Variants in VPS35L observed in about 807,000 individuals in gnomAD.
VPS35L encodes the protein VPS35 endosomal protein sorting factor like, also known as VPS35 endosomal protein-sorting factor-like.
In VPS35L, 83 loss-of-function variants were observed where a neutral mutation model predicts 133.0. The ratio of observed to expected loss-of-function variants is 0.62; its 90% CI spans 0.52 to 0.75. The LOEUF (loss-of-function observed/expected upper bound fraction) is 0.75. VPS35L is among the 30% of genes least tolerant of loss of function. The pLI is 0.00. For synonymous variants in VPS35L, 423 were observed against 449.9 expected, an observed-to-expected ratio of 0.94 and a Z score of 0.76; for missense variants, 1,083 against 1,206.8, an observed-to-expected ratio of 0.90 and a Z score of 1.52.
intron 7 of VPS35L, among the ~76,000 whole-genome samples, chr16:19,587,634 CAAA>C (rs781342533): frequency 1.5e-5 from 1 of 67,884 alleles, no homozygotes; most frequent in Non-Finnish European, 3.0e-5. Context: ...AACTCCGTCT[CAAA>C]AAAAAAAAAA....
chr16:19,681,598 C>CT (rs1253561808), intron 27 of VPS35L, among the ~76,000 whole-genome samples: 2 of 152,196 alleles, frequency 1.3e-5, no homozygotes, highest in African/African-American at 2.4e-5. Context: ...AAGCTGCTTA[C>CT]TTTTTTACAC....
In VPS35L at chr16:19,671,829, G is replaced by A. The variant is rs111273280; in HGVS notation, c.2361+2530G>A. Among the ~76,000 whole-genome samples, 553 of 152,244 alleles carry A rather than the reference G, an allele frequency of 3.6e-3. 5 individuals carry two copies. The highest frequency in any genetic ancestry group is 0.012 in the African/African-American group (519 of 41,538). On this transcript the variant is annotated intron_variant, in intron 27 of 30. Transcript: ENST00000417362. ...AGTGTATAGGCTTCACCTGGCTGCC[G>A]CAGGGTGCATGGCACAGAACAGATT... is the stretch of plus-strand genomic sequence containing the variant.
At chr16:19,615,656 A>G in intron 12 of VPS35L, among the ~76,000 whole-genome samples, 1 of 150,596 alleles carries the variant, frequency 6.6e-6, no homozygotes, top group Admixed American at 6.6e-5. Context: ...TCTCAAAACA[A>G]AACAAAAAAC....
At chr16:19,662,083 G>C (rs962891060) in intron 26 of VPS35L, among the ~76,000 whole-genome samples, 7 of 152,202 alleles carry the variant, frequency 4.6e-5, no homozygotes, top group African/African-American at 7.2e-5. Context: ...CACGCCTGTA[G>C]TCCCAGCCAC....
intron 25 of VPS35L, among the ~76,000 whole-genome samples, chr16:19,651,765 G>A (rs781652271): frequency 3.3e-5 from 5 of 152,122 alleles, no homozygotes; most frequent in Non-Finnish European, 7.4e-5. Context: ...GTGAGGATTT[G>A]TTTTTCCTGC....
At chr16:19,592,842 C>G (rs765184813) in intron 8 of VPS35L, among the ~76,000 whole-genome samples, 1 of 152,000 alleles carries the variant, frequency 6.6e-6, no homozygotes, top group Non-Finnish European at 1.5e-5. Flanking sequence ...CGCACCACCA[C>G]GCCTAGCTAG....
chr16:19,557,629 G>C (rs72767548), intron 1 of VPS35L, among the ~76,000 whole-genome samples: 13 of 151,804 alleles, frequency 8.6e-5, no homozygotes, highest in African/African-American at 3.1e-4. Flanking sequence ...GTGATCCGCC[G>C]ACCTCGGGTT....
At chr16:19,622,888 C>T (rs1386578646) in intron 14 of VPS35L, among the ~76,000 whole-genome samples, 1 of 152,134 alleles carries the variant, frequency 6.6e-6, no homozygotes, top group Middle Eastern at 3.2e-3. Context: ...CTAGTCTGGC[C>T]TCCACATATA....
intron 19 of VPS35L, among the ~76,000 whole-genome samples, chr16:19,635,582 T>C (rs1191944720): frequency 1.3e-5 from 2 of 152,182 alleles, no homozygotes; most frequent in East Asian, 1.9e-4. Flanking sequence ...AAATGGGTGA[T>C]AGATGAGATC....
At chr16:19,569,030 A>G (rs1290540389) in intron 2 of VPS35L, among the ~76,000 whole-genome samples, 1 of 152,120 alleles carries the variant, frequency 6.6e-6, no homozygotes. Context: ...CTTAGATGTT[A>G]GTTGTTGGTT....
chr16:19,641,465 A>G (rs1973786385), intron 21 of VPS35L, among the ~76,000 whole-genome samples: 1 of 150,414 alleles, frequency 6.6e-6, no homozygotes, highest in Non-Finnish European at 1.5e-5. Flanking sequence ...TTTTTAGGAC[A>G]GGGTTAAGAA....
At chr16:19,687,005 A>G (rs1326312177) in intron 28 of VPS35L, among the ~76,000 whole-genome samples, 1 of 151,948 alleles carries the variant, frequency 6.6e-6, no homozygotes, top group Non-Finnish European at 1.5e-5. Flanking sequence ...CATCTCAAAT[A>G]CCTCTGCACA....
chr16:19,616,903 A>G (rs1242266520), intron 14 of VPS35L, 95 bp downstream of exon 14: 2 of 1,548,952 alleles, frequency 1.3e-6, no homozygotes, highest in Non-Finnish European at 1.8e-6. Context: ...CCCTTTCATA[A>G]CAGCTATAGC....
intron 2 of VPS35L, among the ~76,000 whole-genome samples, chr16:19,567,179 G>T (rs1257628520): frequency 1.3e-5 from 2 of 152,174 alleles, no homozygotes; most frequent in Non-Finnish European, 1.5e-5. Context: ...CTTAAAATAG[G>T]TAAGGAGACA....
At position 19,564,838 on chromosome 16, in the gene VPS35L, C is replaced by T. The variant is rs766676140; in HGVS notation, c.18-13C>T. 38 of 1,600,882 alleles carry T rather than the reference C, an allele frequency of 2.4e-5. No homozygotes were observed. In the Admixed American group the frequency reaches 3.0e-4, roughly 13 times the overall value. The stretch of plus-strand genomic sequence containing the variant: ...CCCCATCCACTAATTGGCTGTGTTT[C>T]GCTGTTTACCAGGCACTCCAGGAAT... On this transcript the variant is annotated splice_polypyrimidine_tract_variant and intron_variant, in intron 1 of 30. Coordinates refer to ENST00000417362, the MANE Select transcript of VPS35L (RefSeq NM_020314.7).
intron 2 of VPS35L, among the ~76,000 whole-genome samples, chr16:19,566,042 G>T (rs574935872): frequency 6.6e-6 from 1 of 152,266 alleles, no homozygotes; most frequent in South Asian, 2.1e-4. Context: ...CAGCATGGAG[G>T]CTCTGGGAAT....
intron 7 of VPS35L, 156 bp downstream of exon 7, chr16:19,581,809 A>G (rs1342271671): frequency 2.1e-6 from 2 of 936,410 alleles, no homozygotes; most frequent in East Asian, 2.6e-5. Flanking sequence ...ATGATTATGA[A>G]TCTGTGTTTT....
At position 19,682,371 on chromosome 16, in the gene VPS35L, C is replaced by T. The variant is rs1269659377; in HGVS notation, c.2508C>T (p.Tyr836=). 1.9e-6 allele frequency: 3 copies of T among 1,614,074 alleles called. No homozygotes were observed. Among genetic ancestry groups the T allele is most frequent in the African/African-American group, 1.3e-5 (1 of 74,926 alleles). The change falls in exon 28 of 31, where the codon TAC becomes TAT. Residue 836 remains tyrosine (Y), a synonymous_variant. Coordinates refer to ENST00000417362, the MANE Select transcript of VPS35L (RefSeq NM_020314.7). ...HLLSAMSQET[Y]LYHIDKVDSN... Reference sequence around the variant, plus strand: ...TCTCCGCCATGAGCCAGGAGACGTACCTTTACCACATAGACAAAGGTAGCA... The same window carrying T: ...TCTCCGCCATGAGCCAGGAGACGTATCTTTACCACATAGACAAAGGTAGCA...
intron 3 of VPS35L, among the ~76,000 whole-genome samples, chr16:19,571,869 A>C (rs1597314303): frequency 6.7e-6 from 1 of 149,074 alleles, no homozygotes; most frequent in South Asian, 2.1e-4. Flanking sequence ...TTTTAACTTG[A>C]CCATATGTCT....
Sources: gnomAD v4.1 joint callset for allele counts (sites outside exome capture counted in the v4.1 genomes callset) on GRCh38, gnomAD v4.1.1 for gene constraint, MANE v1.5 for transcripts, NCBI Gene and HGNC (gene_info 2026-07-23, HGNC 2026-07-21) for gene names.